Variants in MTURN observed in about 807,000 individuals in gnomAD.
The protein encoded by MTURN is maturin, neural progenitor differentiation regulator homolog.
MTURN carries 7 observed loss-of-function variants against 14.9 expected under a neutral mutation model. That is an observed-to-expected ratio of 0.47 (90% CI 0.27 to 0.88). The LOEUF (loss-of-function observed/expected upper bound fraction) is 0.88. MTURN is among the 40% of genes least tolerant of loss of function. The pLI, the probability that MTURN is intolerant of heterozygous loss-of-function variation, is 0.14. For missense variants in MTURN, 151 were observed against 174.1 expected, an observed-to-expected ratio of 0.87 and a Z score of 0.75; for synonymous variants, 69 against 72.5, an observed-to-expected ratio of 0.95 and a Z score of 0.25.
chr7:30,145,337 A>G (rs1241777175), intron 1 of MTURN, among the ~76,000 whole-genome samples: 1 of 152,114 alleles, frequency 6.6e-6, no homozygotes, highest in Non-Finnish European at 1.5e-5. Flanking sequence ...TACCAAAAAT[A>G]CAAAGAATTA....
chr7:30,139,648 G>C (rs1295327557), intron 1 of MTURN, among the ~76,000 whole-genome samples: 1 of 152,192 alleles, frequency 6.6e-6, no homozygotes, highest in African/African-American at 2.4e-5. Flanking sequence ...GAGACCAGAG[G>C]CCTGTCCTCT....
intron 1 of MTURN, among the ~76,000 whole-genome samples, chr7:30,135,960 A>G (rs1232871601): frequency 1.3e-5 from 2 of 148,856 alleles, no homozygotes; most frequent in African/African-American, 2.5e-5. Context: ...GCGCCTGCGC[A>G]TACACCCCAA....
chr7:30,144,294 G>T (rs937989934), intron 1 of MTURN, among the ~76,000 whole-genome samples: 1 of 152,188 alleles, frequency 6.6e-6, no homozygotes, highest in Non-Finnish European at 1.5e-5. Context: ...CTTTAACTTG[G>T]ATAATAATTT....
intron 1 of MTURN, among the ~76,000 whole-genome samples, chr7:30,142,146 A>G (rs752107308): frequency 2.0e-5 from 3 of 152,196 alleles, no homozygotes; most frequent in Non-Finnish European, 4.4e-5. Flanking sequence ...ACATTGTACA[A>G]AACAGGAAGG....
At position 30,135,043 on chromosome 7, in the gene MTURN, C is replaced by T; in HGVS notation, c.-94C>T. The T allele has an allele frequency of 2.8e-6, 3 of 1,080,488 alleles. No homozygotes were observed. Among genetic ancestry groups the T allele is most frequent in the South Asian group, 4.2e-5 (1 of 23,682 alleles). The allele number at this position is 1,080,488 out of a possible 1,614,324, so 66.9% of individuals were successfully genotyped here. A position where few individuals can be genotyped will look rare whatever the true frequency, so the allele number is the denominator to read the frequency against. On this transcript the variant is annotated 5_prime_UTR_variant, in exon 1 of 3. Transcript: ENST00000324453. ...CCCAGCCCGGCCCCGGAGGAGCCCG[C>T]GCAGGCCGAGCCGAGCGCCGCGCTG...
rs1194181508 is a variant in MTURN, at chr7:30,158,506, T to TA, written c.*958_*959insA. On this transcript the variant is annotated 3_prime_UTR_variant, in exon 3 of 3. Coordinates refer to ENST00000324453, the MANE Select transcript of MTURN (RefSeq NM_152793.3). ...CTTCTTTACTTTTTAAGTCTTTTAT[T>TA]TAAAAAAAAAAAGTCAAAAAAAGGA... 1 of 132,158 alleles carries TA rather than the reference T, an allele frequency of 7.6e-6. No homozygotes were observed. The highest frequency in any genetic ancestry group is 1.7e-5 in the Non-Finnish European group (1 of 60,088). 8.2% of individuals were successfully genotyped at this position (132,158 alleles called of 1,614,324 possible).
intron 1 of MTURN, among the ~76,000 whole-genome samples, chr7:30,143,292 G>A (rs867669543): frequency 1.3e-5 from 2 of 151,638 alleles, no homozygotes; most frequent in African/African-American, 4.9e-5. Flanking sequence ...AAGTAGCCAG[G>A]CCCTCATACC....
intron 2 of MTURN, among the ~76,000 whole-genome samples, chr7:30,147,419 G>A (rs566357552): frequency 5.3e-5 from 8 of 152,296 alleles, no homozygotes; most frequent in East Asian, 1.9e-4. Context: ...GATGGCTCCC[G>A]GGGGTGAGAA....
chr7:30,162,121 C>T lies in MTURN; in HGVS notation c.*4573C>T, dbSNP rs186055621. ...CACTATAAGGCTGAATAGGCACAAG[C>T]GATTAAAAGTAGATGCCAGGCCACA... is the stretch of plus-strand genomic sequence containing the variant. On this transcript the variant is annotated 3_prime_UTR_variant, in exon 3 of 3. Transcript: ENST00000324453. 189 of 151,962 alleles carry T rather than the reference C, an allele frequency of 1.2e-3. 1 individual carries two copies. The highest frequency in any genetic ancestry group is 4.3e-3 in the African/African-American group (178 of 41,370). 9.4% of individuals were successfully genotyped at this position (151,962 alleles called of 1,614,324 possible). A position where few individuals can be genotyped will look rare whatever the true frequency, so the allele number is the denominator to read the frequency against.
At chr7:30,145,342 G>C (rs996213264) in intron 1 of MTURN, among the ~76,000 whole-genome samples, 1 of 151,892 alleles carries the variant, frequency 6.6e-6, no homozygotes, top group African/African-American at 2.4e-5. Context: ...AAAATACAAA[G>C]AATTAGTCAG....
chr7:30,150,763 C>T (rs1409535766), intron 2 of MTURN, among the ~76,000 whole-genome samples: 1 of 152,158 alleles, frequency 6.6e-6, no homozygotes, highest in African/African-American at 2.4e-5. Context: ...GGAGGAAGTC[C>T]AGGAAGCGTC....
chr7:30,161,979 A>G lies in MTURN; in HGVS notation c.*4431A>G, dbSNP rs1198270665. 6.6e-6 allele frequency: 1 copy of G among 151,828 alleles called. No homozygotes were observed. Among genetic ancestry groups the G allele is most frequent in the Non-Finnish European group, 1.5e-5 (1 of 67,980 alleles). The allele number at this position is 151,828 out of a possible 1,614,324, so 9.4% of individuals were successfully genotyped here. ...ATCTATAGCTTCTGCTCACTGGGCA[A>G]ATATAAAAGACAACATATTATTTAA... On this transcript the variant is annotated 3_prime_UTR_variant, in exon 3 of 3. Transcript: ENST00000324453.
chr7:30,135,452 C>T (rs1431210041), intron 1 of MTURN, among the ~76,000 whole-genome samples, 154 bp downstream of exon 1: 1 of 150,836 alleles, frequency 6.6e-6, no homozygotes, highest in Non-Finnish European at 1.5e-5. Flanking sequence ...CCGGGGAAGC[C>T]CCGGGCCGGG....
intron 1 of MTURN, among the ~76,000 whole-genome samples, 190 bp downstream of exon 1, chr7:30,135,488 G>T (rs1039967599): frequency 6.6e-6 from 1 of 151,330 alleles, no homozygotes; most frequent in African/African-American, 2.4e-5. Flanking sequence ...TGCCCGGGTG[G>T]GGCCCGGTGG....
rs1191040513 is a variant in MTURN, at chr7:30,155,433, G to A, written c.286-2005G>A. Among the ~76,000 whole-genome samples, 4 of 152,192 alleles carry A rather than the reference G, an allele frequency of 2.6e-5. No homozygotes were observed. The East Asian group carries it at 5.8e-4, about 22-fold the overall frequency. On this transcript the variant is annotated intron_variant, in intron 2 of 2. Coordinates refer to ENST00000324453, the MANE Select transcript of MTURN (RefSeq NM_152793.3). ...TTGACCACCAAGTGTAGTCATCGAC[G>A]TGCCTTACGACTAGTCATCTTTTCT... is the stretch of plus-strand genomic sequence containing the variant.
At chr7:30,136,565 G>A (rs1796965911) in intron 1 of MTURN, among the ~76,000 whole-genome samples, 1 of 152,142 alleles carries the variant, frequency 6.6e-6, no homozygotes, top group Admixed American at 6.5e-5. Flanking sequence ...AGGAGTTAGG[G>A]AGACTGCAAG....
chr7:30,134,998 A>T lies in MTURN; in HGVS notation c.-139A>T, dbSNP rs1421783978. The T allele has an allele frequency of 1.7e-5, 11 of 662,070 alleles. No homozygotes were observed. Among genetic ancestry groups the T allele is most frequent in the South Asian group, 6.7e-5 (1 of 14,874 alleles). The allele number at this position is 662,070 out of a possible 1,614,324, so 41.0% of individuals were successfully genotyped here. The stretch of plus-strand genomic sequence containing the variant: ...CGCCGCCCGCCCCACTCCGCACCGC[A>T]TGTAAACAGTCCCAGCCGGCCCAGC... On this transcript the variant is annotated 5_prime_UTR_variant, in exon 1 of 3. An upstream start codon of the reference 5' UTR is lost. Coordinates refer to ENST00000324453, the MANE Select transcript of MTURN (RefSeq NM_152793.3).
At chr7:30,144,580 T>G (rs1459592722) in intron 1 of MTURN, among the ~76,000 whole-genome samples, 1 of 152,206 alleles carries the variant, frequency 6.6e-6, no homozygotes, top group Non-Finnish European at 1.5e-5. Context: ...ACGTTGTCTT[T>G]ATTGGGTTGG....
intron 1 of MTURN, among the ~76,000 whole-genome samples, 191 bp downstream of exon 1, chr7:30,135,489 GGCCCGGTGGGCGGCGGGCAAGGC>G (rs2128028896): frequency 6.6e-6 from 1 of 151,500 alleles, no homozygotes; most frequent in South Asian, 2.1e-4. Flanking sequence ...GCCCGGGTGG[GGCCCGGTGGGCGGCGGGCAAGGC>G]GCCCGGAGGA....
Sources: gnomAD v4.1 joint callset for allele counts (sites outside exome capture counted in the v4.1 genomes callset) on GRCh38, gnomAD v4.1.1 for gene constraint, MANE v1.5 for transcripts, NCBI Gene and HGNC (gene_info 2026-07-23, HGNC 2026-07-21) for gene names.